PTPRS: variants seen among roughly 807,000 people sequenced by gnomAD.
PTPRS encodes the protein receptor-type tyrosine-protein phosphatase S.
A neutral mutation model predicts 215.3 loss-of-function variants in PTPRS; 63 were observed. The observed-to-expected ratio is 0.29, with a 90% CI of 0.24 to 0.36. The LOEUF (loss-of-function observed/expected upper bound fraction) is 0.36, where lower values mean the gene tolerates loss of function less well. Ranked by LOEUF, PTPRS falls within the 10% of genes least tolerant of loss-of-function variation. PTPRS has a pLI of 1.00. For synonymous variants in PTPRS, 1,404 were observed against 1,191.4 expected, an observed-to-expected ratio of 1.18 and a Z score of -3.68; for missense variants, 2,258 against 2,825.8, an observed-to-expected ratio of 0.80 and a Z score of 4.56.
chr19:5,312,896 G>A (rs1336958978), intron 1 of PTPRS, among the ~76,000 whole-genome samples: 2 of 152,108 alleles, frequency 1.3e-5, no homozygotes, highest in Admixed American at 1.3e-4. Context: ...CCAGGCTGCT[G>A]AGCCCCAAAA....
At chr19:5,291,100 G>A (rs1309623633) in intron 1 of PTPRS, among the ~76,000 whole-genome samples, 1 of 152,030 alleles carries the variant, frequency 6.6e-6, no homozygotes, top group Non-Finnish European at 1.5e-5. Context: ...CGGGGACCTG[G>A]CTTTAATTGA....
intron 9 of PTPRS, among the ~76,000 whole-genome samples, chr19:5,251,438 T>A (rs2146115303): frequency 6.6e-6 from 1 of 151,562 alleles, no homozygotes; most frequent in Middle Eastern, 3.4e-3. Context: ...ACTTTTTTTT[T>A]TTTTTTTGGT....
intron 1 of PTPRS, among the ~76,000 whole-genome samples, chr19:5,304,728 A>C (rs2147112460): frequency 6.6e-6 from 1 of 152,262 alleles, no homozygotes; most frequent in East Asian, 1.9e-4. Flanking sequence ...GTGATGTCTA[A>C]GATGAGAAGG....
At chr19:5,219,498 T>TG (rs1160371994) in intron 22 of PTPRS, 31 bp from the exon 23 acceptor site, 1 of 1,536,702 alleles carries the variant, frequency 6.5e-7, no homozygotes, top group Admixed American at 2.0e-5. Context: ...TCTCCATCAG[T>TG]GTCCACCCTC....
intron 1 of PTPRS, among the ~76,000 whole-genome samples, chr19:5,330,924 G>A (rs536953339): frequency 3.9e-5 from 6 of 152,178 alleles, no homozygotes; most frequent in South Asian, 4.2e-4. Context: ...GAATTCATCC[G>A]ACAGGGGCAA....
intron 9 of PTPRS, among the ~76,000 whole-genome samples, chr19:5,247,220 TA>T (rs1231297853): frequency 7.5e-6 from 1 of 132,832 alleles, no homozygotes; most frequent in Non-Finnish European, 1.7e-5. Flanking sequence ...TAATAATAAT[TA>T]ATAATAATAA....
At position 5,257,370 on chromosome 19, in the gene PTPRS, GC is replaced by G. The variant is rs1473618921; in HGVS notation, c.706+646del. Reference sequence around the variant, plus strand: ...TGCCCCAGCTCGGTGCAACTACCGAGCCCCCCGGGTGCCTGTGCCCGCTGTG... The same window carrying G: ...TGCCCCAGCTCGGTGCAACTACCGAGCCCCCGGGTGCCTGTGCCCGCTGTG... On this transcript the variant is annotated intron_variant, in intron 8 of 37. Coordinates refer to ENST00000262963, the MANE Select transcript of PTPRS (RefSeq NM_002850.4). The surrounding 1 kb of genome is among the most constrained non-coding windows in gnomAD (Gnocchi z 4.4). 3 of 453,250 alleles carry G rather than the reference GC, an allele frequency of 6.6e-6. No individual in the cohort carries two copies. Among genetic ancestry groups the G allele is most frequent in the Non-Finnish European group, 1.3e-5 (3 of 224,850 alleles). The allele number at this position is 453,250 out of a possible 1,614,324, so 28.1% of individuals were successfully genotyped here.
chr19:5,216,808 G>A, intron 25 of PTPRS, 41 bp from the exon 26 acceptor site: 3 of 1,409,074 alleles, frequency 2.1e-6, no homozygotes, highest in Non-Finnish European at 2.9e-6. Context: ...ACATGCAGGG[G>A]GTAGGGGGGG....
chr19:5,229,852 C>G (rs139007390), intron 14 of PTPRS, among the ~76,000 whole-genome samples, 168 bp from the exon 15 acceptor site: 25 of 151,848 alleles, frequency 1.6e-4, no homozygotes, highest in Non-Finnish European at 3.1e-4. Context: ...CTCCTGCACA[C>G]CCCCCACAGC....
rs2043908940 is a variant in PTPRS at position 5,240,201 on chromosome 19, C to G, written c.1702G>C (p.Glu568Gln). The change falls in exon 12 of 38, where the codon GAG becomes CAG. Residue 568 changes from glutamate to glutamine, a missense_variant and splice_region_variant. Glu to Gln is a conservative substitution (Grantham distance 29). Coordinates refer to ENST00000262963, the MANE Select transcript of PTPRS (RefSeq NM_002850.4). ...LLFREGDHGR[E>Q]VGRTFDPTTS... The stretch of plus-strand genomic sequence containing the variant: ...AGCCCGTCCCCGCGCTGCCTCACCT[C>G]CCGGCCATGGTCGCCTTCCCGGAAG... 6.5e-7 allele frequency: 1 copy of G among 1,542,372 alleles called. No homozygotes were observed. The highest frequency in any genetic ancestry group is 2.0e-5 in the Admixed American group (1 of 50,118).
chr19:5,235,428 G>A (rs2043362360), intron 13 of PTPRS, among the ~76,000 whole-genome samples: 1 of 152,152 alleles, frequency 6.6e-6, no homozygotes, highest in South Asian at 2.1e-4. Context: ...CAGATAATAA[G>A]TGAATGTTTT....
rs1012604149 is a variant in PTPRS at position 5,225,762 on chromosome 19, C to T, written c.2459G>A (p.Arg820His). 6.8e-6 allele frequency: 11 copies of T among 1,613,918 alleles called. No individual in the cohort carries two copies. The highest frequency in any genetic ancestry group is 1.7e-5 in the Admixed American group (1 of 59,996). Residue 820 changes from arginine to histidine, a missense_variant, in exon 17 of 38, where the codon CGC (arginine) becomes CAC (histidine). By Grantham distance (29) the Arg-to-His change is conservative. Around this residue, in one of 6 missense-constraint regions of PTPRS, gnomAD observed 371 missense variants for 446.7 expected, o/e 0.83. Coordinates refer to ENST00000262963, the MANE Select transcript of PTPRS (RefSeq NM_002850.4). Reference protein sequence around the residue: ...AAYTMKGDGARSKPKVVVTKG... With the variant: ...AAYTMKGDGAHSKPKVVVTKG... ...GGTCACAACCACCTTGGGTTTGCTG[C>T]GAGCGCCATCGCCCTTCATGGTGTA...
In PTPRS at chr19:5,258,103, T is replaced by C. The variant is rs2045712756; in HGVS notation, c.620A>G (p.Glu207Gly). ...CTCATATTTGCCCTGGTCGGTTTCC[T>C]CACTGCTTTCAATCTGCAGGGCTCC... ...IRGALQIESS[E>G]ETDQGKYECV... The change falls in exon 8 of 38, where the codon GAG becomes GGG. Residue 207 changes from glutamate to glycine, a missense_variant. Physicochemically the swap from Glu to Gly is moderately conservative, Grantham distance 98. Coordinates refer to ENST00000262963, the MANE Select transcript of PTPRS (RefSeq NM_002850.4). 3.1e-6 allele frequency: 5 copies of C among 1,614,048 alleles called. No homozygotes were observed. Among genetic ancestry groups the C allele is most frequent in the Non-Finnish European group, 3.4e-6 (4 of 1,180,008 alleles).
intron 17 of PTPRS, 112 bp from the exon 18 acceptor site, chr19:5,223,409 T>G (rs1599473621): frequency 1.8e-5 from 20 of 1,107,772 alleles, no homozygotes; most frequent in Non-Finnish European, 1.9e-5. Flanking sequence ...TTTTTTGAGT[T>G]GGGGGGGGTC....
intron 14 of PTPRS, 139 bp downstream of exon 14, chr19:5,231,171 G>T (rs973358568): frequency 5.5e-6 from 5 of 915,810 alleles, no homozygotes; most frequent in Non-Finnish European, 8.0e-6. Flanking sequence ...GATTTCTCGG[G>T]GAGGCTGCTT....
chr19:5,216,884 A>AT (rs1358815291), intron 25 of PTPRS, 117 bp from the exon 26 acceptor site: 14 of 636,592 alleles, frequency 2.2e-5, no homozygotes, highest in Non-Finnish European at 3.6e-5. Context: ...AACGCGGACA[A>AT]CGGGGGGTAT....
chr19:5,222,833 C>CCGCTGCCGGCAGCTCAGT lies in PTPRS; in HGVS notation c.2941_2958dup (p.Thr981_Ala986dup). On this transcript the variant is annotated inframe_insertion, in exon 18 of 38. Transcript: ENST00000262963. ...AGCGCGTTCTCCGCGCCCGGCTCAGCCGCTGCCGGCAGCTCAGTCTCTCGG... is the reference window on the plus strand; with the variant it reads ...AGCGCGTTCTCCGCGCCCGGCTCAGCCGCTGCCGGCAGCTCAGTCGCTGCCGGCAGCTCAGTCTCTCGG... 4 of 1,594,354 alleles carry CCGCTGCCGGCAGCTCAGT rather than the reference C, an allele frequency of 2.5e-6. No homozygotes were observed. The highest frequency in any genetic ancestry group is 3.4e-6 in the Non-Finnish European group (4 of 1,176,668).
chr19:5,249,474 A>G (rs751985383), intron 9 of PTPRS, among the ~76,000 whole-genome samples: 1 of 152,220 alleles, frequency 6.6e-6, no homozygotes, highest in Non-Finnish European at 1.5e-5. Flanking sequence ...AGGTGACAAG[A>G]CTAGATGGAA....
At chr19:5,250,475 C>T (rs1413770723) in intron 9 of PTPRS, among the ~76,000 whole-genome samples, 5 of 152,118 alleles carry the variant, frequency 3.3e-5, no homozygotes, top group Non-Finnish European at 5.9e-5. Context: ...AGAGGCCCCG[C>T]GGGACCCCCG....
Sources: allele counts gnomAD v4.1 joint callset (sites outside exome capture counted in the v4.1 genomes callset), GRCh38; gene constraint gnomAD v4.1.1; regional missense constraint gnomAD v4.1.1; non-coding constraint Gnocchi (gnomAD v3.1); transcripts MANE v1.5; gene names NCBI Gene and HGNC (gene_info 2026-07-23, HGNC 2026-07-21).